Variants in TET3 observed in about 807,000 individuals in gnomAD.
The protein encoded by TET3 is methylcytosine dioxygenase TET3.
TET3 carries 19 observed loss-of-function variants against 141.4 expected under a neutral mutation model. That is an observed-to-expected ratio of 0.13 (90% CI 0.09 to 0.20). TET3 has a LOEUF of 0.20. Among genes scored for constraint, TET3 ranks in the 10% least tolerant of loss-of-function variants. The probability of loss-of-function intolerance (pLI) is 1.00; values close to 1 mark genes in which losing one functional copy is unlikely to be tolerated. For missense variants in TET3, 1,874 were observed against 2,356.9 expected, an observed-to-expected ratio of 0.80 and a Z score of 4.24; for synonymous variants, 1,043 against 980.9, an observed-to-expected ratio of 1.06 and a Z score of -1.18.
rs549911232 is a variant in TET3 at position 74,005,039 on chromosome 2, A to G, written c.360+1873A>G. ...GCTTCCCTCTCTGCTGGGAGAAAGG[A>G]CGGGCTGGCAGGTTTGTTTACTCCC... On this transcript the variant is annotated intron_variant, in intron 3 of 11. Transcript: ENST00000409262. Among the ~76,000 whole-genome samples, 5 of 152,192 alleles carry G rather than the reference A, an allele frequency of 3.3e-5. No individual in the cohort carries two copies. In the East Asian group the frequency reaches 9.7e-4, roughly 29 times the overall value.
At chr2:73,991,442 G>T (rs964930731) in intron 2 of TET3, among the ~76,000 whole-genome samples, 2 of 151,946 alleles carry the variant, frequency 1.3e-5, no homozygotes, top group Non-Finnish European at 2.9e-5. Context: ...AATTAGCCAG[G>T]CGTGGTGGTG....
At position 74,105,745 on chromosome 2, in the gene TET3, CAGT is replaced by C. The variant is rs1365160683; in HGVS notation, c.*3572_*3574del. On this transcript the variant is annotated 3_prime_UTR_variant, in exon 12 of 12. Transcript: ENST00000409262. ...AGCTTAACTGCTTTGTACCACACAG[CAGT>C]AGATGTGCAAGGACGGTTGACAATG... 1.0e-5 allele frequency: 2 copies of C among 195,546 alleles called. No individual in the cohort carries two copies. The highest frequency in any genetic ancestry group is 2.3e-5 in the African/African-American group (1 of 43,240). 12.1% of individuals were successfully genotyped at this position (195,546 alleles called of 1,614,324 possible). A position where few individuals can be genotyped will look rare whatever the true frequency, so the allele number is the denominator to read the frequency against.
chr2:74,058,745 T>G (rs548061856), intron 4 of TET3, among the ~76,000 whole-genome samples: 1 of 152,224 alleles, frequency 6.6e-6, no homozygotes, highest in Non-Finnish European at 1.5e-5. Context: ...CTCAGAAGCC[T>G]CCGAAGTCCA....
At chr2:74,056,154 A>G (rs2103776669) in intron 4 of TET3, among the ~76,000 whole-genome samples, 1 of 152,332 alleles carries the variant, frequency 6.6e-6, no homozygotes, top group East Asian at 1.9e-4. Context: ...TGTCATAAAA[A>G]AGAAATGCCT....
chr2:74,053,814 T>A (rs1688074729), intron 4 of TET3, among the ~76,000 whole-genome samples: 1 of 152,158 alleles, frequency 6.6e-6, no homozygotes, highest in African/African-American at 2.4e-5. Flanking sequence ...AGTTTTTATT[T>A]CTATGAGAAT....
chr2:74,060,322 C>G (rs985872537), intron 4 of TET3, among the ~76,000 whole-genome samples: 1 of 152,152 alleles, frequency 6.6e-6, no homozygotes, highest in Admixed American at 6.5e-5. Context: ...TCAAGTCATT[C>G]AAGTTGCTGT....
intron 3 of TET3, among the ~76,000 whole-genome samples, chr2:74,044,308 A>G (rs1045987484): frequency 7.9e-5 from 12 of 152,372 alleles, no homozygotes; most frequent in East Asian, 1.9e-4. Flanking sequence ...AGCAGGGATC[A>G]TACTTGGGAC....
intron 2 of TET3, among the ~76,000 whole-genome samples, chr2:73,987,071 A>G (rs1169629662): frequency 2.6e-5 from 4 of 152,188 alleles, no homozygotes; most frequent in African/African-American, 4.8e-5. Context: ...GGTGTAAGAT[A>G]AGAGATGGAG....
intron 3 of TET3, among the ~76,000 whole-genome samples, chr2:74,045,322 C>T (rs1166028900): frequency 6.6e-6 from 1 of 152,204 alleles, no homozygotes; most frequent in African/African-American, 2.4e-5. Context: ...ACCGTGTATA[C>T]ATCCTGTACC....
At chr2:74,058,884 A>G (rs1450073541) in intron 4 of TET3, among the ~76,000 whole-genome samples, 1 of 152,226 alleles carries the variant, frequency 6.6e-6, no homozygotes, top group Non-Finnish European at 1.5e-5. Context: ...AGTCAGTTGA[A>G]GAATAACATT....
At chr2:74,067,886 C>A (rs187606354) in intron 4 of TET3, among the ~76,000 whole-genome samples, 50 of 152,242 alleles carry the variant, frequency 3.3e-4, no homozygotes, top group African/African-American at 1.2e-3. Context: ...GTGGTGGGGA[C>A]TTTGTGGACC....
intron 5 of TET3, among the ~76,000 whole-genome samples, chr2:74,076,331 A>T (rs916202846): frequency 6.6e-6 from 1 of 151,736 alleles, no homozygotes; most frequent in East Asian, 1.9e-4. Flanking sequence ...TTGCAGTTCC[A>T]TCTTTACGTT....
intron 3 of TET3, among the ~76,000 whole-genome samples, chr2:74,040,582 A>G (rs193035910): frequency 6.6e-6 from 1 of 152,140 alleles, no homozygotes; most frequent in East Asian, 1.9e-4. Context: ...TAGGGGTTGG[A>G]GCTAGCTGGA....
intron 4 of TET3, among the ~76,000 whole-genome samples, chr2:74,048,709 A>G (rs1414162287): frequency 6.6e-6 from 1 of 152,228 alleles, no homozygotes; most frequent in Non-Finnish European, 1.5e-5. Context: ...CGAGCCCTAC[A>G]GAGCCATCAG....
At chr2:74,005,094 C>G (rs1685083143) in intron 3 of TET3, among the ~76,000 whole-genome samples, 1 of 152,214 alleles carries the variant, frequency 6.6e-6, no homozygotes, top group Non-Finnish European at 1.5e-5. Flanking sequence ...GTAGTGATGG[C>G]TCTCCCTGGC....
rs778819055 is a variant in TET3, at chr2:74,090,033, G to A, written c.3025G>A (p.Asp1009Asn). ...KTPRKFRLAG[D>N]NPKEEEVLRK... Reference sequence around the variant, plus strand: ...ACCTCGCAAGTTCCGCCTCGCAGGGGACAATCCCAAAGAGGTGAGCAGAGC... The same window carrying A: ...ACCTCGCAAGTTCCGCCTCGCAGGGAACAATCCCAAAGAGGTGAGCAGAGC... The change falls in exon 8 of 12, where the codon GAC (aspartate) becomes AAC (asparagine). Residue 1009 changes from aspartate to asparagine, a missense_variant. By Grantham distance (23) the Asp-to-Asn change is conservative (BLOSUM62 1). Transcript: ENST00000409262. The A allele has an allele frequency of 6.2e-7, 1 of 1,614,002 alleles. No homozygotes were observed. The highest frequency in any genetic ancestry group is 1.1e-5 in the South Asian group (1 of 91,090).
chr2:74,047,667 A>C lies in TET3; in HGVS notation c.1750A>C (p.Thr584Pro), dbSNP rs1238697550. 1.2e-6 allele frequency: 2 copies of C among 1,613,274 alleles called. No individual in the cohort carries two copies. The highest frequency in any genetic ancestry group is 1.7e-6 in the Non-Finnish European group (2 of 1,179,660). Reference protein sequence around the residue: ...PPKEKKKKLPTPAGGPVGTEK... With the variant: ...PPKEKKKKLPPPAGGPVGTEK... Reference sequence around the variant, plus strand: ...CAAGGAGAAGAAGAAGAAGCTCCCAACACCAGCTGGAGGTCCCGTGGGAAC... The same window carrying C: ...CAAGGAGAAGAAGAAGAAGCTCCCACCACCAGCTGGAGGTCCCGTGGGAAC... Residue 584 changes from threonine (T) to proline (P), a missense_variant, in exon 4 of 12, where the codon ACA (threonine) becomes CCA (proline). Physicochemically the swap from Thr to Pro is conservative, Grantham distance 38 (BLOSUM62 -1). Transcript: ENST00000409262.
intron 4 of TET3, among the ~76,000 whole-genome samples, chr2:74,050,330 G>C (rs951488663): frequency 6.6e-6 from 1 of 152,084 alleles, no homozygotes; most frequent in East Asian, 1.9e-4. Context: ...GATGAAATTC[G>C]TTACTATGTG....
At chr2:74,088,926 T>G (rs1201700194) in intron 7 of TET3, among the ~76,000 whole-genome samples, 4 of 151,326 alleles carry the variant, frequency 2.6e-5, no homozygotes, top group African/African-American at 7.3e-5. Context: ...ACTAAAAATA[T>G]AAAAATTAGC....
Sources: gnomAD v4.1 joint callset for allele counts (sites outside exome capture counted in the v4.1 genomes callset) on GRCh38, gnomAD v4.1.1 for gene constraint, MANE v1.5 for transcripts, NCBI Gene and HGNC (gene_info 2026-07-23, HGNC 2026-07-21) for gene names.